MTUS1: variants seen among roughly 807,000 people sequenced by gnomAD.
MTUS1 encodes the protein microtubule associated scaffold protein 1, also known as microtubule-associated tumor suppressor 1.
In MTUS1, 109 loss-of-function variants were observed where a neutral mutation model predicts 120.8. The ratio of observed to expected loss-of-function variants is 0.90; its 90% CI spans 0.77 to 1.06. The LOEUF (loss-of-function observed/expected upper bound fraction) is 1.06, where lower values mean the gene tolerates loss of function less well. Ranked by LOEUF, MTUS1 falls within the 50% of genes least tolerant of loss-of-function variation. The probability of loss-of-function intolerance (pLI) is 0.00; values close to 1 mark genes in which losing one functional copy is unlikely to be tolerated. For missense variants in MTUS1, 2,210 were observed against 1,486.3 expected, an observed-to-expected ratio of 1.49 and a Z score of -8.01; for synonymous variants, 737 against 550.5, an observed-to-expected ratio of 1.34 and a Z score of -4.74.
At chr8:17,676,161 G>A (rs1295669028) in intron 7 of MTUS1, 6 of 676,576 alleles carry the variant, frequency 8.9e-6, no homozygotes, top group East Asian at 5.4e-5. Flanking sequence ...CATGAGACCC[G>A]GCCTTTGCAG....
Position 17,723,757 on chromosome 8 carries a change from A to C in MTUS1, c.2364T>G (p.Ser788=). ...TCCTCCGCAGCGCAGGACTTTTCAA[A>C]GATGCTTTGGATTTAGGAAGTGGTC... The part of the protein sequence containing the change: ...LPRPLPKSKA[S]LKSPALRRTG... The change falls in exon 4 of 15, where the codon TCT becomes TCG. Residue 788 remains serine (S), a synonymous_variant. Coordinates refer to ENST00000693296, the MANE Select transcript of MTUS1 (RefSeq NM_001363059.2). The C allele has an allele frequency of 6.2e-7, 1 of 1,610,658 alleles. No homozygotes were observed. The highest frequency in any genetic ancestry group is 8.5e-7 in the Non-Finnish European group (1 of 1,177,724).
chr8:17,655,383 T>C (rs1434796210), intron 9 of MTUS1, among the ~76,000 whole-genome samples: 1 of 152,146 alleles, frequency 6.6e-6, no homozygotes, highest in Non-Finnish European at 1.5e-5. Context: ...GAAAGGGTTG[T>C]TTTTTCAATT....
chr8:17,767,030 C>A (rs2049562812), intron 1 of MTUS1, among the ~76,000 whole-genome samples: 1 of 151,880 alleles, frequency 6.6e-6, no homozygotes, highest in South Asian at 2.1e-4. Context: ...CAACCATTTG[C>A]CATCTTTTCC....
intron 4 of MTUS1, chr8:17,722,089 T>G: frequency 7.5e-7 from 1 of 1,329,686 alleles, no homozygotes; most frequent in Non-Finnish European, 9.6e-7. Context: ...CTGATTTGAA[T>G]GCTTAATCCG....
At chr8:17,733,750 C>A (rs1019949011) in intron 3 of MTUS1, among the ~76,000 whole-genome samples, 2 of 152,172 alleles carry the variant, frequency 1.3e-5, no homozygotes, top group African/African-American at 2.4e-5. Context: ...TATTTTCACA[C>A]CATCATTACT....
At chr8:17,662,113 A>C (rs1271843569) in intron 8 of MTUS1, among the ~76,000 whole-genome samples, 1 of 152,028 alleles carries the variant, frequency 6.6e-6, no homozygotes, top group Non-Finnish European at 1.5e-5. Context: ...CTGTGCACTG[A>C]CTACAGCTTA....
At position 17,656,031 on chromosome 8, in the gene MTUS1, T is replaced by C; in HGVS notation, c.2940A>G (p.Lys980=). Reference sequence around the variant, plus strand: ...ACACTGTTTGTAACTCATTCCTGGCTTTTTCTAATTTCTCACAGGTGGTTG... The same window carrying C: ...ACACTGTTTGTAACTCATTCCTGGCCTTTTCTAATTTCTCACAGGTGGTTG... ...TASTTCEKLE[K]ARNELQTVYE... Residue 980 remains lysine (K), a synonymous_variant, in exon 9 of 15, where the codon AAA becomes AAG. Transcript: ENST00000693296. 6.2e-7 allele frequency: 1 copy of C among 1,614,208 alleles called. No individual in the cohort carries two copies. The highest frequency in any genetic ancestry group is 1.3e-5 in the African/African-American group (1 of 75,054).
At chr8:17,651,191 T>A (rs1585397970) in intron 12 of MTUS1, among the ~76,000 whole-genome samples, 1 of 149,978 alleles carries the variant, frequency 6.7e-6, no homozygotes, top group African/African-American at 2.4e-5. Context: ...GTGTGTATGG[T>A]GGGAGGTGGG....
At chr8:17,761,252 C>T (rs1333557306) in intron 1 of MTUS1, among the ~76,000 whole-genome samples, 1 of 152,084 alleles carries the variant, frequency 6.6e-6, no homozygotes, top group Non-Finnish European at 1.5e-5. Flanking sequence ...TAAATCTTAG[C>T]TTAAGAAAAG....
At chr8:17,737,171 C>T (rs1454356411) in intron 3 of MTUS1, among the ~76,000 whole-genome samples, 1 of 152,170 alleles carries the variant, frequency 6.6e-6, no homozygotes, top group South Asian at 2.1e-4. Flanking sequence ...ACTGTGGGGC[C>T]AGAACACCCG....
At chr8:17,774,000 A>G (rs1173616726) in intron 1 of MTUS1, among the ~76,000 whole-genome samples, 1 of 152,126 alleles carries the variant, frequency 6.6e-6, no homozygotes, top group African/African-American at 2.4e-5. Flanking sequence ...CAGCCCTCAC[A>G]TCTACATTCT....
intron 8 of MTUS1, among the ~76,000 whole-genome samples, chr8:17,663,092 A>T (rs1055278346): frequency 1.1e-5 from 1 of 91,946 alleles, no homozygotes; most frequent in Admixed American, 1.1e-4. Context: ...AAATGCTTTA[A>T]GTTTTGCTTT....
intron 3 of MTUS1, among the ~76,000 whole-genome samples, chr8:17,732,503 C>T (rs975654134): frequency 2.6e-5 from 4 of 152,214 alleles, no homozygotes; most frequent in African/African-American, 4.8e-5. Context: ...GCTCTCTACA[C>T]TTACTGCCGT....
chr8:17,653,050 C>T, intron 12 of MTUS1, 136 bp downstream of exon 12: 3 of 597,378 alleles, frequency 5.0e-6, no homozygotes, highest in South Asian at 2.2e-5. Flanking sequence ...GTTTTACACA[C>T]CTTAGAAAGC....
chr8:17,772,262 AC>A (rs1185471539), intron 1 of MTUS1, among the ~76,000 whole-genome samples: 1 of 152,224 alleles, frequency 6.6e-6, no homozygotes, highest in African/African-American at 2.4e-5. Context: ...ACACACATGT[AC>A]AAAACAAAAT....
chr8:17,730,847 G>C (rs2046525538), intron 3 of MTUS1, among the ~76,000 whole-genome samples: 1 of 152,178 alleles, frequency 6.6e-6, no homozygotes, highest in African/African-American at 2.4e-5. Context: ...TAGTAAAATG[G>C]ATACAGGATT....
intron 8 of MTUS1, among the ~76,000 whole-genome samples, chr8:17,666,516 T>C (rs977466877): frequency 6.6e-6 from 1 of 152,208 alleles, no homozygotes; most frequent in Non-Finnish European, 1.5e-5. Flanking sequence ...AACAACATTC[T>C]AGGCAGCTAG....
intron 13 of MTUS1, 95 bp from the exon 14 acceptor site, chr8:17,647,174 TTTAA>T: frequency 1.1e-6 from 1 of 908,508 alleles, no homozygotes; most frequent in South Asian, 1.5e-5. Flanking sequence ...ACTTTGGAGA[TTTAA>T]TTAAGGAAAA....
rs1300563446 is a variant in MTUS1 at position 17,657,353 on chromosome 8, G to A, written c.2906-1288C>T. ...GGAGGCCGAGGCGGGCGGATCACGA[G>A]GTCAGGAGATCGAGACCATCCCGGC... On this transcript the variant is annotated intron_variant, in intron 8 of 14. Coordinates refer to ENST00000693296, the MANE Select transcript of MTUS1 (RefSeq NM_001363059.2). 2.0e-5 allele frequency among the ~76,000 whole-genome samples: 3 copies of A among 151,548 alleles called. 1 individual carries two copies. The highest frequency in any genetic ancestry group is 2.0e-4 in the Admixed American group (3 of 15,234).
Sources: allele counts gnomAD v4.1 joint callset (sites outside exome capture counted in the v4.1 genomes callset), GRCh38; gene constraint gnomAD v4.1.1; transcripts MANE v1.5; gene names NCBI Gene and HGNC (gene_info 2026-07-23, HGNC 2026-07-21).